The following MCU variants were observed in gnomAD, a reference collection of about 807,000 sequenced individuals.
The protein encoded by MCU is mitochondrial calcium uniporter.
MCU carries 12 observed loss-of-function variants against 45.2 expected under a neutral mutation model. That is an observed-to-expected ratio of 0.27 (90% CI 0.17 to 0.43). MCU has a LOEUF of 0.43. Among genes scored for constraint, MCU ranks in the 20% least tolerant of loss-of-function variants. The pLI is 1.00. For synonymous variants in MCU, 160 were observed against 165.1 expected (o/e 0.97, Z 0.24); for missense variants, 324 against 436.7 (o/e 0.74, Z 2.30).
At chr10:72,751,842 C>CTT (rs879553104) in intron 1 of MCU, among the ~76,000 whole-genome samples, 4 of 143,766 alleles carry the variant, frequency 2.8e-5, no homozygotes, top group South Asian at 2.2e-4. Context: ...GACAGACTTT[C>CTT]TTTTTTTTTT....
chr10:72,803,482 A>T (rs1358373929), intron 1 of MCU, among the ~76,000 whole-genome samples: 1 of 151,938 alleles, frequency 6.6e-6, no homozygotes, highest in African/African-American at 2.4e-5. Context: ...CTCTGCTATT[A>T]ATTTATTTAT....
At chr10:72,717,609 G>A (rs1306029214) in intron 1 of MCU, among the ~76,000 whole-genome samples, 2 of 152,116 alleles carry the variant, frequency 1.3e-5, no homozygotes. Flanking sequence ...TACTCAGAAA[G>A]GTTGGCTTAG....
intron 1 of MCU, among the ~76,000 whole-genome samples, chr10:72,750,912 A>T (rs1843484794): frequency 6.6e-6 from 1 of 152,242 alleles, no homozygotes; most frequent in African/African-American, 2.4e-5. Flanking sequence ...TTTAGCTTAG[A>T]TTAGCTTATT....
intron 1 of MCU, among the ~76,000 whole-genome samples, chr10:72,722,334 A>G (rs1843033981): frequency 6.7e-6 from 1 of 149,930 alleles, no homozygotes; most frequent in African/African-American, 2.4e-5. Flanking sequence ...AAAAAAAAAA[A>G]AAAAAAAAAG....
chr10:72,754,098 AC>A (rs1318742428), intron 1 of MCU, among the ~76,000 whole-genome samples: 1 of 151,828 alleles, frequency 6.6e-6, no homozygotes, highest in Non-Finnish European at 1.5e-5. Flanking sequence ...TAGGAAAGTT[AC>A]CCCCTGTGGT....
intron 1 of MCU, among the ~76,000 whole-genome samples, chr10:72,704,394 C>T (rs1164271210): frequency 6.6e-6 from 1 of 152,140 alleles, no homozygotes; most frequent in Non-Finnish European, 1.5e-5. Context: ...ATTTCTTAAC[C>T]TTTGCTGAGT....
At chr10:72,834,269 A>AT (rs1844922341) in intron 1 of MCU, 90 bp from the exon 2 acceptor site, 2 of 804,644 alleles carry the variant, frequency 2.5e-6, no homozygotes. Context: ...TTACTTAAGT[A>AT]ATCATATGTA....
At chr10:72,844,156 GC>G (rs1845085636) in intron 2 of MCU, among the ~76,000 whole-genome samples, 1 of 152,136 alleles carries the variant, frequency 6.6e-6, no homozygotes, top group African/African-American at 2.4e-5. Context: ...CGGGGCCAAG[GC>G]GGGCAGATCA....
intron 1 of MCU, among the ~76,000 whole-genome samples, chr10:72,697,982 G>A (rs1330022059): frequency 6.7e-6 from 1 of 149,280 alleles, no homozygotes; most frequent in East Asian, 2.0e-4. Flanking sequence ...GTCTTGCTAT[G>A]TTGCCCAAGC....
At position 72,834,394 on chromosome 10, in the gene MCU, A is replaced by C. The variant is rs929634689; in HGVS notation, c.186A>C (p.Gly62=). 91 of 1,613,704 alleles carry C rather than the reference A, an allele frequency of 5.6e-5. No individual in the cohort carries two copies. Among genetic ancestry groups the C allele is most frequent in the Non-Finnish European group, 7.7e-5 (91 of 1,179,816 alleles). Residue 62 remains glycine (G), a synonymous_variant, in exon 2 of 8, where the codon GGA becomes GGC. Transcript: ENST00000373053. ...HQRIASWQNL[G]AVYCSTVVPS... is the part of the protein sequence containing the mutation. The stretch of plus-strand genomic sequence containing the variant: ...GGATCGCTTCCTGGCAGAATTTGGG[A>C]GCTGTTTATTGCAGCACTGTTGTGC...
intron 1 of MCU, among the ~76,000 whole-genome samples, chr10:72,733,026 G>A (rs1041404480): frequency 2.0e-5 from 3 of 152,188 alleles, no homozygotes; most frequent in East Asian, 1.9e-4. Flanking sequence ...ATGTAGAGAG[G>A]GTTGGAAAAA....
At chr10:72,769,519 G>A (rs1407362287) in intron 1 of MCU, among the ~76,000 whole-genome samples, 1 of 152,096 alleles carries the variant, frequency 6.6e-6, no homozygotes, top group Non-Finnish European at 1.5e-5. Context: ...CTGGGCTCCG[G>A]TGATACTCTT....
intron 1 of MCU, among the ~76,000 whole-genome samples, chr10:72,784,560 C>T (rs1313296057): frequency 6.6e-6 from 1 of 152,184 alleles, no homozygotes; most frequent in Non-Finnish European, 1.5e-5. Flanking sequence ...AAGCAGTTGT[C>T]AGCAGGGATT....
intron 1 of MCU, among the ~76,000 whole-genome samples, chr10:72,815,226 T>C (rs1041837626): frequency 1.3e-5 from 2 of 152,252 alleles, no homozygotes; most frequent in Non-Finnish European, 2.9e-5. Context: ...ACACTATATA[T>C]GGCTGTGTTG....
chr10:72,692,516 G>A, intron 1 of MCU: 1 of 1,007,552 alleles, frequency 9.9e-7, no homozygotes, highest in Non-Finnish European at 1.2e-6. Flanking sequence ...GGAGGAGGAG[G>A]GGCGACGGCG....
At chr10:72,853,017 A>G (rs1405981565) in intron 2 of MCU, among the ~76,000 whole-genome samples, 1 of 152,182 alleles carries the variant, frequency 6.6e-6, no homozygotes, top group South Asian at 2.1e-4. Flanking sequence ...CTGTCCTAAA[A>G]TAATTTTTTG....
At chr10:72,767,863 G>A (rs1352551458) in intron 1 of MCU, among the ~76,000 whole-genome samples, 1 of 152,170 alleles carries the variant, frequency 6.6e-6, no homozygotes, top group African/African-American at 2.4e-5. Context: ...AAAAGGGAAT[G>A]TATGAATAGA....
chr10:72,746,671 T>C (rs1843419306), intron 1 of MCU, among the ~76,000 whole-genome samples: 1 of 152,252 alleles, frequency 6.6e-6, no homozygotes, highest in Non-Finnish European at 1.5e-5. Context: ...TCTGTGCTAA[T>C]TGCATAATTG....
At chr10:72,867,383 G>A (rs1845473310) in intron 4 of MCU, among the ~76,000 whole-genome samples, 1 of 152,048 alleles carries the variant, frequency 6.6e-6, no homozygotes, top group African/African-American at 2.4e-5. Flanking sequence ...AGAAATACAT[G>A]CTACTCACAA....
Sources: gnomAD v4.1 joint callset for allele counts (sites outside exome capture counted in the v4.1 genomes callset) on GRCh38, gnomAD v4.1.1 for gene constraint, MANE v1.5 for transcripts, NCBI Gene and HGNC (gene_info 2026-07-23, HGNC 2026-07-21) for gene names.